Variants in SDK1 observed in about 807,000 individuals in gnomAD.
SDK1 encodes protein sidekick-1.
In SDK1, 157 loss-of-function variants were observed where a neutral mutation model predicts 245.5. That is an observed-to-expected ratio of 0.64 (90% CI 0.56 to 0.73). The LOEUF (loss-of-function observed/expected upper bound fraction) is 0.73, where lower values mean the gene tolerates loss of function less well. Among genes scored for constraint, SDK1 ranks in the 30% least tolerant of loss-of-function variants. SDK1 has a pLI of 0.00. For missense variants in SDK1, 3,583 were observed against 3,002.3 expected (o/e 1.19, Z -4.52); for synonymous variants, 1,647 against 1,278.5 (o/e 1.29, Z -6.15).
Position 4,210,173 on chromosome 7 carries a change from G to T in SDK1, c.5539+11G>T, listed in dbSNP as rs986334426. 1 of 1,535,432 alleles carries T rather than the reference G, an allele frequency of 6.5e-7. No homozygotes were observed. Among genetic ancestry groups the T allele is most frequent in the African/African-American group, 1.4e-5 (1 of 71,946 alleles). On this transcript the variant is annotated intron_variant, in intron 38 of 44. Transcript: ENST00000404826. ...TGGCCCCTGTACAAGGTAAGACCCG[G>T]GGTTGGGGAGATGGGAGCGCGGGCC... is the stretch of plus-strand genomic sequence containing the variant.
intron 11 of SDK1, 27 bp downstream of exon 11, chr7:3,969,451 C>G (rs2128132289): frequency 6.7e-7 from 1 of 1,494,104 alleles, no homozygotes; most frequent in Non-Finnish European, 9.0e-7. Flanking sequence ...GCACGTCGGC[C>G]TTCTGTTAGC....
chr7:3,364,235 C>G (rs1288751593), intron 1 of SDK1, among the ~76,000 whole-genome samples: 1 of 152,166 alleles, frequency 6.6e-6, no homozygotes, highest in African/African-American at 2.4e-5. Flanking sequence ...TCTGTAGACT[C>G]TATTTCCATT....
At chr7:4,071,245 G>T (rs537960711) in intron 20 of SDK1, among the ~76,000 whole-genome samples, 11 of 151,280 alleles carry the variant, frequency 7.3e-5, no homozygotes, top group African/African-American at 2.7e-4. Flanking sequence ...GGCTGGTCTT[G>T]AACTCCTGAC....
intron 17 of SDK1, among the ~76,000 whole-genome samples, chr7:4,039,312 A>G (rs1385097956): frequency 6.6e-6 from 1 of 151,784 alleles, no homozygotes; most frequent in Non-Finnish European, 1.5e-5. Flanking sequence ...TAAAAAAAAA[A>G]GTTTCTTATT....
At chr7:3,564,662 C>A (rs55992101) in intron 1 of SDK1, among the ~76,000 whole-genome samples, 1 of 151,844 alleles carries the variant, frequency 6.6e-6, no homozygotes, top group Non-Finnish European at 1.5e-5. Context: ...AAAAATTATC[C>A]TAAGAAATAC....
intron 1 of SDK1, among the ~76,000 whole-genome samples, chr7:3,581,549 G>T (rs1231323178): frequency 6.6e-6 from 1 of 152,174 alleles, no homozygotes; most frequent in Non-Finnish European, 1.5e-5. Context: ...CCGTTGTGGG[G>T]AGGGTAAATT....
intron 22 of SDK1, among the ~76,000 whole-genome samples, chr7:4,088,357 A>T (rs149208540): frequency 1.2e-4 from 18 of 152,116 alleles, no homozygotes; most frequent in Non-Finnish European, 2.2e-4. Flanking sequence ...TCTTACTGGG[A>T]GGGCTAAAGC....
At chr7:3,740,810 G>A (rs1477415044) in intron 4 of SDK1, among the ~76,000 whole-genome samples, 5 of 152,152 alleles carry the variant, frequency 3.3e-5, no homozygotes, top group Admixed American at 6.5e-5. Flanking sequence ...CAAAAATGTT[G>A]ATTTCACAAT....
intron 4 of SDK1, among the ~76,000 whole-genome samples, chr7:3,724,880 C>T (rs1000136525): frequency 6.6e-6 from 1 of 152,204 alleles, no homozygotes; most frequent in East Asian, 1.9e-4. Context: ...GTCACATGGC[C>T]ATGTGGCCAT....
intron 1 of SDK1, among the ~76,000 whole-genome samples, chr7:3,334,235 A>G (rs977872997): frequency 6.6e-6 from 1 of 152,206 alleles, no homozygotes; most frequent in African/African-American, 2.4e-5. Context: ...GTTTCCGAGT[A>G]TAGCTGGCTC....
chr7:3,433,750 G>C (rs1393871525), intron 1 of SDK1, among the ~76,000 whole-genome samples: 2 of 152,052 alleles, frequency 1.3e-5, no homozygotes, highest in African/African-American at 4.8e-5. Flanking sequence ...TCAGTGCTTG[G>C]AGGAAAAAAG....
chr7:3,603,021 G>A (rs1457003925), intron 1 of SDK1, among the ~76,000 whole-genome samples: 1 of 152,078 alleles, frequency 6.6e-6, no homozygotes, highest in African/African-American at 2.4e-5. Context: ...TGAGGGCTCT[G>A]TTCTGTTCCA....
chr7:3,366,556 C>T (rs1178027412), intron 1 of SDK1, among the ~76,000 whole-genome samples: 1 of 152,046 alleles, frequency 6.6e-6, no homozygotes, highest in Non-Finnish European at 1.5e-5. Context: ...TCTTCTGAGG[C>T]TTGTCACAAG....
At chr7:3,534,052 C>G (rs890206099) in intron 1 of SDK1, among the ~76,000 whole-genome samples, 19 of 152,106 alleles carry the variant, frequency 1.2e-4, no homozygotes, top group African/African-American at 4.6e-4. Flanking sequence ...TTTTGATTAG[C>G]AAATCCCTGC....
chr7:3,517,634 T>G lies in SDK1; in HGVS notation c.299-101446T>G, dbSNP rs149522689. On this transcript the variant is annotated intron_variant, in intron 1 of 44. Transcript: ENST00000404826. The stretch of plus-strand genomic sequence containing the variant: ...TCCCGCCTAGAGTAAGGTGGAGGTA[T>G]AATTTTGGATGTGTTGCTGCAGGTT... 9.5e-3 allele frequency among the ~76,000 whole-genome samples: 1,448 copies of G among 152,246 alleles called. 24 individuals carry two copies. Among genetic ancestry groups the G allele is most frequent in the South Asian group, 0.044 (214 of 4,816 alleles).
rs540547073 is a variant in SDK1, at chr7:4,062,021, T to C, written c.2912-5817T>C. 2.3e-3 allele frequency among the ~76,000 whole-genome samples: 347 copies of C among 148,114 alleles called. 2 individuals carry two copies. Among genetic ancestry groups the C allele is most frequent in the Middle Eastern group, 0.01 (3 of 292 alleles). ...GGGGGAGGGATAGCACTAGGAGATA[T>C]ACCTAATGCTAAATGACGAGTTAAT... On this transcript the variant is annotated intron_variant, in intron 19 of 44. Transcript: ENST00000404826.
At position 3,510,232 on chromosome 7, in the gene SDK1, A is replaced by G. The variant is rs1475560105; in HGVS notation, c.299-108848A>G. Among the ~76,000 whole-genome samples, 4 of 152,184 alleles carry G rather than the reference A, an allele frequency of 2.6e-5. No individual in the cohort carries two copies. The East Asian group carries it at 7.7e-4, about 29-fold the overall frequency. On this transcript the variant is annotated intron_variant, in intron 1 of 44. Transcript: ENST00000404826. ...CTGTGGTGTGGGAGCAGCAGTGCACAAGGTGGTGAGGAAGCCAGCCTGCCT... is the reference window on the plus strand; with the variant it reads ...CTGTGGTGTGGGAGCAGCAGTGCACGAGGTGGTGAGGAAGCCAGCCTGCCT...
intron 4 of SDK1, among the ~76,000 whole-genome samples, chr7:3,775,931 A>G (rs1780544837): frequency 6.6e-6 from 1 of 152,172 alleles, no homozygotes; most frequent in South Asian, 2.1e-4. Flanking sequence ...TCTTTCCCAC[A>G]GTTGTTTGTG....
intron 19 of SDK1, among the ~76,000 whole-genome samples, chr7:4,060,127 C>T (rs1190430916): frequency 3.3e-5 from 5 of 152,064 alleles, no homozygotes; most frequent in African/African-American, 7.2e-5. Context: ...GTGATCCGCC[C>T]GCCTCGGCCT....
Sources: allele counts gnomAD v4.1 joint callset (sites outside exome capture counted in the v4.1 genomes callset), GRCh38; gene constraint gnomAD v4.1.1; transcripts MANE v1.5; gene names NCBI Gene and HGNC (gene_info 2026-07-23, HGNC 2026-07-21).